The following COL22A1 variants were observed in gnomAD, a reference collection of about 807,000 sequenced individuals.
COL22A1 encodes the protein collagen alpha-1(XXII) chain.
COL22A1 carries 221 observed loss-of-function variants against 248.9 expected under a neutral mutation model. The ratio of observed to expected loss-of-function variants is 0.89; its 90% confidence interval spans 0.80 to 0.99. The LOEUF is 0.99. Ranked by LOEUF, COL22A1 falls within the 50% of genes least tolerant of loss-of-function variation. The probability of loss-of-function intolerance (pLI) is 0.00; values close to 1 mark genes in which losing one functional copy is unlikely to be tolerated. For missense variants in COL22A1, 2,240 were observed against 2,179.0 expected (o/e 1.03, Z -0.56); for synonymous variants, 891 against 793.4 (o/e 1.12, Z -2.07).
chr8:138,641,864 C>A (rs1821743625), intron 47 of COL22A1, among the ~76,000 whole-genome samples: 1 of 152,176 alleles, frequency 6.6e-6, no homozygotes, highest in South Asian at 2.1e-4. Flanking sequence ...ATCTTCACAT[C>A]CCCAAGTCTA....
intron 43 of COL22A1, 61 bp downstream of exon 43, chr8:138,661,969 G>C: frequency 7.6e-7 from 1 of 1,314,614 alleles, no homozygotes; most frequent in East Asian, 2.5e-5. Flanking sequence ...ATGGTGGAGG[G>C]CGGGCTTTCA....
intron 6 of COL22A1, among the ~76,000 whole-genome samples, chr8:138,823,755 T>C (rs1324552258): frequency 2.0e-5 from 3 of 152,226 alleles, no homozygotes; most frequent in Non-Finnish European, 2.9e-5. Context: ...AATTATCTTA[T>C]GCGTATCTTT....
chr8:138,868,283 C>A (rs1273912972), intron 3 of COL22A1, among the ~76,000 whole-genome samples: 1 of 152,072 alleles, frequency 6.6e-6, no homozygotes, highest in African/African-American at 2.4e-5. Context: ...GTCAGGGGTT[C>A]TCAAAGCGGG....
rs551373676 is a variant in COL22A1 at position 138,685,154 on chromosome 8, C to A, written c.2967+54G>T. 8.9e-6 allele frequency: 11 copies of A among 1,230,170 alleles called. No homozygotes were observed. In the African/African-American group the frequency reaches 1.4e-4, roughly 15 times the overall value. 76.2% of individuals were successfully genotyped at this position (1,230,170 alleles called of 1,614,324 possible). A position where few individuals can be genotyped will look rare whatever the true frequency, so the allele number is the denominator to read the frequency against. On this transcript the variant is annotated intron_variant, in intron 38 of 64. Coordinates refer to ENST00000303045, the MANE Select transcript of COL22A1 (RefSeq NM_152888.3). ...CAGTTAGATTTTTTTCCTTTTCCTTCTCTAATTTTCACCTGGTTTCTACAG... is the reference window on the plus strand; with the variant it reads ...CAGTTAGATTTTTTTCCTTTTCCTTATCTAATTTTCACCTGGTTTCTACAG...
At chr8:138,838,911 T>C (rs1820650078) in intron 4 of COL22A1, among the ~76,000 whole-genome samples, 1 of 152,190 alleles carries the variant, frequency 6.6e-6, no homozygotes, top group Admixed American at 6.5e-5. Context: ...AGGTACCTAC[T>C]GTGTGCTCCT....
intron 22 of COL22A1, among the ~76,000 whole-genome samples, chr8:138,740,705 G>A (rs7838405): frequency 0.13 from 19,311 of 152,156 alleles, 1,387 homozygotes; most frequent in Non-Finnish European, 0.17. Context: ...ATAAGCATTA[G>A]GTTTTCAGCA....
rs62527950 is a variant in COL22A1 at position 138,707,405 on chromosome 8, G to A, written c.2518-4058C>T. Among the ~76,000 whole-genome samples the A allele has an allele frequency of 2.8e-3, 423 of 152,264 alleles. 1 individual carries two copies. Among genetic ancestry groups the A allele is most frequent in the Middle Eastern group, 0.01 (3 of 294 alleles). On this transcript the variant is annotated intron_variant, in intron 30 of 64. Transcript: ENST00000303045. The stretch of plus-strand genomic sequence containing the variant: ...AATCCTCAATAAAATATGGCAAACC[G>A]AATCCGGCAGCACATCAAAAAGCTT...
At chr8:138,608,803 C>A (rs573221493) in intron 56 of COL22A1, among the ~76,000 whole-genome samples, 2 of 152,240 alleles carry the variant, frequency 1.3e-5, no homozygotes, top group African/African-American at 2.4e-5. Flanking sequence ...CCACTCAGGG[C>A]ACATTCCCGT....
chr8:138,684,390 C>T (rs778176933), intron 39 of COL22A1, 35 bp downstream of exon 39: 34 of 1,491,260 alleles, frequency 2.3e-5, no homozygotes, highest in South Asian at 1.2e-4. Flanking sequence ...AACGGCAACT[C>T]GTGGCACCCA....
At chr8:138,821,038 G>T in intron 7 of COL22A1, 98 bp downstream of exon 7, 2 of 1,319,656 alleles carry the variant, frequency 1.5e-6, no homozygotes, top group Non-Finnish European at 1.1e-6. Flanking sequence ...TTTGGTACCT[G>T]GTTCATGCAG....
At chr8:138,805,106 TG>T (rs1817386251) in intron 10 of COL22A1, among the ~76,000 whole-genome samples, 1 of 142,206 alleles carries the variant, frequency 7.0e-6, no homozygotes, top group Admixed American at 7.0e-5. Context: ...TATGGTGGTG[TG>T]TGTGTGATGG....
intron 22 of COL22A1, among the ~76,000 whole-genome samples, chr8:138,744,056 C>T (rs1029867168): frequency 2.0e-5 from 3 of 152,130 alleles, no homozygotes; most frequent in South Asian, 2.1e-4. Context: ...AAACCAGGTG[C>T]GCAGGGAAAA....
chr8:138,665,057 G>C (rs1313495029), intron 41 of COL22A1, among the ~76,000 whole-genome samples: 1 of 152,156 alleles, frequency 6.6e-6, no homozygotes. Context: ...TATAGTGTCA[G>C]GGGTAACCTA....
intron 4 of COL22A1, among the ~76,000 whole-genome samples, chr8:138,838,851 G>A (rs1317132325): frequency 3.9e-5 from 6 of 152,168 alleles, no homozygotes; most frequent in African/African-American, 1.4e-4. Flanking sequence ...ACCACGTGGT[G>A]TCAGAAGACC....
At position 138,833,046 on chromosome 8, in the gene COL22A1, T is replaced by C; in HGVS notation, c.838A>G (p.Ser280Gly). 6.2e-7 allele frequency: 1 copy of C among 1,608,520 alleles called. No individual in the cohort carries two copies. Among genetic ancestry groups the C allele is most frequent in the Non-Finnish European group, 8.5e-7 (1 of 1,174,904 alleles). The change falls in exon 5 of 65, where the codon AGT (serine) becomes GGT (glycine). Residue 280 changes from serine to glycine, a missense_variant. Physicochemically the swap from Ser to Gly is moderately conservative, Grantham distance 56 (BLOSUM62 0). Coordinates refer to ENST00000303045, the MANE Select transcript of COL22A1 (RefSeq NM_152888.3). ...VRMGSFPVVQSTEDVFPQGLP... is the reference protein window; with the variant it reads ...VRMGSFPVVQGTEDVFPQGLP... Reference sequence around the variant, plus strand: ...AGAGAAGTGGCCACTCACTCAGTACTTTGCACCACAGGGAAGGATCCCATC... The same window carrying C: ...AGAGAAGTGGCCACTCACTCAGTACCTTGCACCACAGGGAAGGATCCCATC...
intron 9 of COL22A1, among the ~76,000 whole-genome samples, 163 bp from the exon 10 acceptor site, chr8:138,807,975 T>A (rs1379158453): frequency 6.6e-6 from 1 of 152,174 alleles, no homozygotes; most frequent in African/African-American, 2.4e-5. Context: ...GTGCTGAAAG[T>A]CTCTGCTCTT....
At chr8:138,626,860 T>C (rs1334878949) in intron 50 of COL22A1, among the ~76,000 whole-genome samples, 1 of 152,202 alleles carries the variant, frequency 6.6e-6, no homozygotes, top group Non-Finnish European at 1.5e-5. Context: ...AAGACTTACA[T>C]AAGTATCAAT....
intron 58 of COL22A1, 77 bp downstream of exon 58, chr8:138,606,304 T>A (rs1818414302): frequency 7.9e-7 from 1 of 1,270,948 alleles, no homozygotes. Context: ...ACACAGGAGG[T>A]GGCAGGGAAG....
intron 22 of COL22A1, among the ~76,000 whole-genome samples, chr8:138,751,191 G>A (rs151192932): frequency 8.5e-5 from 13 of 152,282 alleles, no homozygotes; most frequent in African/African-American, 2.4e-4. Flanking sequence ...CTCTGGGGCT[G>A]TGATCACCCA....
Sources: gnomAD v4.1 joint callset for allele counts (sites outside exome capture counted in the v4.1 genomes callset) on GRCh38, gnomAD v4.1.1 for gene constraint, MANE v1.5 for transcripts, NCBI Gene and HGNC (gene_info 2026-07-23, HGNC 2026-07-21) for gene names.